The following GNAO1 variants were observed in gnomAD, a reference collection of about 807,000 sequenced individuals.
GNAO1 encodes guanine nucleotide-binding protein G(o) subunit alpha.
For synonymous variants in GNAO1, 164 were observed against 180.7 expected, an observed-to-expected ratio of 0.91 and a Z score of 0.74; for missense variants, 166 against 478.7, an observed-to-expected ratio of 0.35 and a Z score of 6.10.
intron 4 of GNAO1, 122 bp downstream of exon 4, chr16:56,328,913 G>C: frequency 5.4e-6 from 5 of 932,230 alleles, no homozygotes; most frequent in South Asian, 1.6e-5. Flanking sequence ...GCCGGGAGAT[G>C]TTCTCCCATA....
intron 2 of GNAO1, among the ~76,000 whole-genome samples, chr16:56,269,985 T>A (rs1421557491): frequency 6.6e-6 from 1 of 152,072 alleles, no homozygotes; most frequent in African/African-American, 2.4e-5. Context: ...AGTCCTACAC[T>A]GCAAGGGGGA....
At position 56,351,615 on chromosome 16, in the gene GNAO1, C is replaced by T. The variant is rs1468372823; in HGVS notation, c.877+78C>T. ...ATGGCTCAGAGAACAGGCTGCTCGG[C>T]CAGCACTGCTGGGGCTAGCTGGCGA... On this transcript the variant is annotated intron_variant, in intron 7 of 8. Coordinates refer to ENST00000262493, the MANE Select transcript of GNAO1 (RefSeq NM_020988.3). This position sits in a 1 kb window ranked among gnomAD's most constrained non-coding sequence, Gnocchi z 6.1. 1 of 1,176,478 alleles carries T rather than the reference C, an allele frequency of 8.5e-7. No homozygotes were observed. Among genetic ancestry groups the T allele is most frequent in the Non-Finnish European group, 1.2e-6 (1 of 807,580 alleles). 72.9% of individuals were successfully genotyped at this position (1,176,478 alleles called of 1,614,324 possible). A position where few individuals can be genotyped will look rare whatever the true frequency, so the allele number is the denominator to read the frequency against.
chr16:56,318,333 C>T (rs1474006556), intron 3 of GNAO1, among the ~76,000 whole-genome samples: 3 of 151,482 alleles, frequency 2.0e-5, no homozygotes, highest in African/African-American at 7.4e-5. Context: ...CCAGGCTGGG[C>T]CCCCCCAGCG....
intron 2 of GNAO1, among the ~76,000 whole-genome samples, chr16:56,267,144 A>G (rs1417929768): frequency 6.6e-6 from 1 of 152,174 alleles, no homozygotes; most frequent in Non-Finnish European, 1.5e-5. Flanking sequence ...CAACAGGTAG[A>G]AGAAGAGGGA....
intron 6 of GNAO1, among the ~76,000 whole-genome samples, chr16:56,338,499 C>T (rs919621112): frequency 2.0e-5 from 3 of 152,234 alleles, no homozygotes; most frequent in Non-Finnish European, 2.9e-5. Context: ...TATGCTATTA[C>T]GGCCACTGCT....
chr16:56,268,599 T>G (rs545952396), intron 2 of GNAO1, among the ~76,000 whole-genome samples: 3 of 152,240 alleles, frequency 2.0e-5, no homozygotes, highest in Non-Finnish European at 2.9e-5. Flanking sequence ...TATACATTTT[T>G]AAACATGAAA....
chr16:56,308,952 G>A (rs997759682), intron 3 of GNAO1, among the ~76,000 whole-genome samples: 14 of 152,298 alleles, frequency 9.2e-5, no homozygotes, highest in South Asian at 6.2e-4. Context: ...CTAACTTGGG[G>A]TGAAGGGTAC....
At chr16:56,217,306 A>T (rs1015309774) in intron 2 of GNAO1, among the ~76,000 whole-genome samples, 6 of 152,240 alleles carry the variant, frequency 3.9e-5, no homozygotes, top group Non-Finnish European at 7.3e-5. Flanking sequence ...TTCTTGTTCA[A>T]TCCAAGGTGA....
intron 6 of GNAO1, among the ~76,000 whole-genome samples, chr16:56,339,396 G>A (rs12930151): frequency 8.5e-5 from 13 of 152,112 alleles, no homozygotes; most frequent in African/African-American, 3.1e-4. Flanking sequence ...AATAGCTCCT[G>A]TGGCTACAAC....
chr16:56,340,263 C>G (rs753975266), intron 6 of GNAO1: 2 of 152,204 alleles, frequency 1.3e-5, no homozygotes, highest in African/African-American at 4.8e-5. Context: ...AGCCCACCAA[C>G]GAGACCACCA....
In GNAO1 at chr16:56,351,262, C is replaced by T; in HGVS notation, c.724-122C>T. On this transcript the variant is annotated intron_variant, in intron 6 of 8. Coordinates refer to ENST00000262493, the MANE Select transcript of GNAO1 (RefSeq NM_020988.3). The surrounding 1 kb of genome is among the most constrained non-coding windows in gnomAD (Gnocchi z 6.1). ...TGACTCAGGTTCCATCTGGCAGCCT[C>T]TCGGAGGAGCTGCCGAGTAGCCCAG... 3.1e-6 allele frequency: 2 copies of T among 654,134 alleles called. No individual in the cohort carries two copies. The highest frequency in any genetic ancestry group is 1.9e-5 in the South Asian group (1 of 53,634). 40.5% of individuals were successfully genotyped at this position (654,134 alleles called of 1,614,324 possible). A position where few individuals can be genotyped will look rare whatever the true frequency, so the allele number is the denominator to read the frequency against.
chr16:56,340,886 G>C (rs754405574), intron 6 of GNAO1: 3 of 1,613,860 alleles, frequency 1.9e-6, no homozygotes, highest in South Asian at 1.1e-5. Context: ...AACAACAAAT[G>C]GTTCACAGAC....
chr16:56,329,952 C>T (rs1164508361), intron 4 of GNAO1, among the ~76,000 whole-genome samples: 4 of 152,224 alleles, frequency 2.6e-5, no homozygotes, highest in African/African-American at 9.7e-5. Flanking sequence ...CCCCAAACAT[C>T]CATAGTGCCA....
intron 4 of GNAO1, among the ~76,000 whole-genome samples, chr16:56,333,652 T>G (rs2037713373): frequency 6.6e-6 from 1 of 152,248 alleles, no homozygotes. Context: ...GGCGAAGTCA[T>G]CTGCCCTTTC....
intron 2 of GNAO1, among the ~76,000 whole-genome samples, chr16:56,207,306 AT>A (rs1426350808): frequency 7.9e-5 from 12 of 152,264 alleles, no homozygotes; most frequent in African/African-American, 2.7e-4. Context: ...GACCAAAAAA[AT>A]AAATAAATAA....
At chr16:56,337,364 G>A (rs1485519314) in intron 6 of GNAO1, among the ~76,000 whole-genome samples, 1 of 152,230 alleles carries the variant, frequency 6.6e-6, no homozygotes, top group East Asian at 1.9e-4. Flanking sequence ...TGGGGGTGCT[G>A]GGGAGCAGTG....
chr16:56,220,656 C>T (rs1465924142), intron 2 of GNAO1, among the ~76,000 whole-genome samples: 2 of 152,202 alleles, frequency 1.3e-5, no homozygotes, highest in African/African-American at 4.8e-5. Context: ...ATCTCTAATG[C>T]AACAGTATTT....
At chr16:56,315,740 G>A (rs1033522638) in intron 3 of GNAO1, among the ~76,000 whole-genome samples, 3 of 152,094 alleles carry the variant, frequency 2.0e-5, no homozygotes, top group Non-Finnish European at 4.4e-5. Flanking sequence ...ACAGGCTTCT[G>A]TTGCTAATGA....
At chr16:56,280,929 G>A (rs1452970236) in intron 3 of GNAO1, among the ~76,000 whole-genome samples, 2 of 152,114 alleles carry the variant, frequency 1.3e-5, no homozygotes, top group African/African-American at 4.8e-5. Context: ...GGATAATAAC[G>A]GCTTTCTATT....
Sources: allele counts gnomAD v4.1 joint callset (sites outside exome capture counted in the v4.1 genomes callset), GRCh38; gene constraint gnomAD v4.1.1; non-coding constraint Gnocchi (gnomAD v3.1); transcripts MANE v1.5; gene names NCBI Gene and HGNC (gene_info 2026-07-23, HGNC 2026-07-21).